The following ITGB5 variants were observed in gnomAD, a reference collection of about 807,000 sequenced individuals.
The protein encoded by ITGB5 is integrin beta-5.
In ITGB5, 38 loss-of-function variants were observed where a neutral mutation model predicts 84.8. The ratio of observed to expected loss-of-function variants is 0.45; its 90% CI spans 0.35 to 0.59. The LOEUF (loss-of-function observed/expected upper bound fraction) is 0.59. Ranked by LOEUF, ITGB5 falls within the 20% of genes least tolerant of loss-of-function variation. The pLI is 0.01. For synonymous variants in ITGB5, 393 were observed against 414.4 expected, an observed-to-expected ratio of 0.95 and a Z score of 0.63; for missense variants, 905 against 1,034.5, an observed-to-expected ratio of 0.87 and a Z score of 1.72.
chr3:124,899,837 T>C (rs1030531031), intron 1 of ITGB5, among the ~76,000 whole-genome samples: 9 of 97,152 alleles, frequency 9.3e-5, no homozygotes, highest in Admixed American at 3.6e-4. Flanking sequence ...CTCGCCAGCA[T>C]AGCAAGACCC....
At chr3:124,797,414 G>C (rs986663076) in intron 9 of ITGB5, among the ~76,000 whole-genome samples, 1 of 152,054 alleles carries the variant, frequency 6.6e-6, no homozygotes, top group African/African-American at 2.4e-5. Flanking sequence ...CCTCCTCTGT[G>C]AGTGCTTGTC....
In ITGB5 at chr3:124,820,661, T is replaced by C. The variant is rs77666300; in HGVS notation, c.942+652A>G. Among the ~76,000 whole-genome samples, 939 of 152,242 alleles carry C rather than the reference T, an allele frequency of 6.2e-3. 11 individuals are homozygous for C. Among genetic ancestry groups the C allele is most frequent in the Middle Eastern group, 0.024 (7 of 294 alleles). ...ATTTGAGAAAGAAAAGGATGCAGAT[T>C]TTGGCAGGAAAATTGCACAGTGAGT... On this transcript the variant is annotated intron_variant, in intron 6 of 14. Coordinates refer to ENST00000296181, the MANE Select transcript of ITGB5 (RefSeq NM_002213.5).
At chr3:124,865,075 C>T (rs1015742243) in intron 2 of ITGB5, among the ~76,000 whole-genome samples, 7 of 152,202 alleles carry the variant, frequency 4.6e-5, no homozygotes, top group Non-Finnish European at 1.0e-4. Context: ...CAGCAGGAAA[C>T]TAACTTTGGG....
intron 8 of ITGB5, 122 bp from the exon 9 acceptor site, chr3:124,809,278 G>A: frequency 2.0e-6 from 2 of 1,017,208 alleles, no homozygotes; most frequent in Non-Finnish European, 2.9e-6. Flanking sequence ...GCCAAAGGAA[G>A]AGCCAGTGAG....
chr3:124,852,275 G>A (rs1245812540), intron 3 of ITGB5, among the ~76,000 whole-genome samples: 3 of 152,066 alleles, frequency 2.0e-5, no homozygotes, highest in African/African-American at 7.2e-5. Context: ...GGTCTCTACA[G>A]GCTCATGTAT....
chr3:124,778,697 A>G (rs927947241), intron 10 of ITGB5, among the ~76,000 whole-genome samples: 1 of 152,222 alleles, frequency 6.6e-6, no homozygotes, highest in Admixed American at 6.6e-5. Context: ...GATGGGATAC[A>G]TTTGAGCATT....
chr3:124,831,306 G>A (rs2064857184), intron 5 of ITGB5, among the ~76,000 whole-genome samples: 1 of 152,194 alleles, frequency 6.6e-6, no homozygotes, highest in African/African-American at 2.4e-5. Flanking sequence ...AACTAGGCTG[G>A]AAAAGTGGCC....
At chr3:124,764,046 G>A (rs1323796454) in intron 14 of ITGB5, among the ~76,000 whole-genome samples, 3 of 152,198 alleles carry the variant, frequency 2.0e-5, no homozygotes, top group South Asian at 2.1e-4. Flanking sequence ...TCTGCCTGGG[G>A]TGACCAGACT....
intron 11 of ITGB5, among the ~76,000 whole-genome samples, chr3:124,771,891 G>C (rs1460804690): frequency 1.3e-5 from 2 of 151,984 alleles, no homozygotes; most frequent in Non-Finnish European, 2.9e-5. Flanking sequence ...TTTAAAGCTA[G>C]AGCTGTTTTC....
Position 124,796,649 on chromosome 3 carries a change from C to T in ITGB5, c.1432G>A (p.Gly478Arg), listed in dbSNP as rs61736433. 5,694 of 1,614,034 alleles carry T rather than the reference C, an allele frequency of 3.5e-3. 38 individuals are homozygous for T. Among genetic ancestry groups the T allele is most frequent in the South Asian group, 0.014 (1,253 of 91,066 alleles). The change falls in exon 10 of 15, where the codon GGG (glycine) becomes AGG (arginine). Residue 478 changes from glycine (G) to arginine (R), a missense_variant. Gly to Arg is a moderately radical substitution (Grantham distance 125). This residue lies in a region of ITGB5 where 656 missense variants were observed against 734.7 expected (regional missense o/e 0.89). Transcript: ENST00000296181. ...GLEPNSARCN[G>R]SGTYVCGLCE... is the part of the protein sequence containing the mutation. ...AGGCCGCAGACATAGGTCCCGCTCC[C>T]GTTGCACCTGGCGCTGTTGGGTTCC...
rs1292953716 is a variant in ITGB5 at position 124,887,166 on chromosome 3, A to T, written c.-166T>A. On this transcript the variant is annotated 5_prime_UTR_variant, in exon 1 of 15. An upstream start codon of the reference 5' UTR is lost. Transcript: ENST00000296181. ...CGCTGGCCCGCGCCCCGCCGCCACC[A>T]TCCGTCCCGCAGCACTCACGGCCGA... 3.2e-5 allele frequency: 5 copies of T among 155,292 alleles called. No homozygotes were observed. The East Asian group carries it at 9.9e-4, about 31-fold the overall frequency. The allele number at this position is 155,292 out of a possible 1,614,324, so 9.6% of individuals were successfully genotyped here. A position where few individuals can be genotyped will look rare whatever the true frequency, so the allele number is the denominator to read the frequency against.
At chr3:124,845,732 G>C (rs1200928295) in intron 4 of ITGB5, among the ~76,000 whole-genome samples, 3 of 152,198 alleles carry the variant, frequency 2.0e-5, no homozygotes, top group Admixed American at 2.0e-4. Context: ...GTCAGTGGAA[G>C]GGCCTTGGAA....
At chr3:124,764,326 C>G in intron 14 of ITGB5, 65 bp downstream of exon 14, 4 of 1,522,016 alleles carry the variant, frequency 2.6e-6, no homozygotes, top group Admixed American at 1.8e-5. Flanking sequence ...TGCTAACATA[C>G]CGCTGAACTC....
intron 11 of ITGB5, among the ~76,000 whole-genome samples, chr3:124,773,203 G>A (rs927757402): frequency 3.9e-5 from 6 of 152,046 alleles, no homozygotes; most frequent in African/African-American, 1.2e-4. Flanking sequence ...CACCATGCCC[G>A]GCCTCTTTCC....
Position 124,766,359 on chromosome 3 carries a change from A to C in ITGB5, c.2018-14T>G, listed in dbSNP as rs770284727. 2 of 1,613,722 alleles carry C rather than the reference A, an allele frequency of 1.2e-6. No individual in the cohort carries two copies. Among genetic ancestry groups the C allele is most frequent in the East Asian group, 4.5e-5 (2 of 44,876 alleles). The stretch of plus-strand genomic sequence containing the variant: ...GGTCATCTTTCACTGGAAGAAAACC[A>C]AGCGGGAATGGCCTGAGTCTCTCTG... On this transcript the variant is annotated splice_polypyrimidine_tract_variant and intron_variant, in intron 12 of 14. Transcript: ENST00000296181.
In ITGB5 at chr3:124,772,119, C is replaced by T. The variant is rs557304964; in HGVS notation, c.1916+1571G>A. Among the ~76,000 whole-genome samples, 4 of 152,322 alleles carry T rather than the reference C, an allele frequency of 2.6e-5. No homozygotes were observed. The East Asian group carries it at 7.7e-4, about 29-fold the overall frequency. On this transcript the variant is annotated intron_variant, in intron 11 of 14. Transcript: ENST00000296181. ...CTCGGATACAAAACGTGGATAATGG[C>T]TGACTCTGTGCTGGGATGGCCACAG... is the stretch of plus-strand genomic sequence containing the variant.
At chr3:124,849,890 C>T (rs916800730) in intron 3 of ITGB5, among the ~76,000 whole-genome samples, 7 of 149,370 alleles carry the variant, frequency 4.7e-5, no homozygotes, top group African/African-American at 1.7e-4. Flanking sequence ...CCAGATCATT[C>T]TATCTGCCTT....
At chr3:124,770,892 CG>C (rs3836307) in intron 11 of ITGB5, among the ~76,000 whole-genome samples, 15,233 of 151,404 alleles carry the variant, frequency 0.1, 985 homozygotes, top group South Asian at 0.2. Context: ...CAGCTGCCCC[CG>C]ATCCCCCACC....
chr3:124,798,204 C>A (rs1486024265), intron 9 of ITGB5, among the ~76,000 whole-genome samples: 1 of 151,812 alleles, frequency 6.6e-6, no homozygotes, highest in Non-Finnish European at 1.5e-5. Context: ...AGGTGCGCGC[C>A]ACCACACGCA....
Sources: allele counts gnomAD v4.1 joint callset (sites outside exome capture counted in the v4.1 genomes callset), GRCh38; gene constraint gnomAD v4.1.1; regional missense constraint gnomAD v4.1.1; transcripts MANE v1.5; gene names NCBI Gene and HGNC (gene_info 2026-07-23, HGNC 2026-07-21).